Variants in GLMP observed in about 807,000 individuals in gnomAD.
GLMP encodes the protein kidney lysosomal membrane protein.
In GLMP, 36 loss-of-function variants were observed where a neutral mutation model predicts 39.2. That is an observed-to-expected ratio of 0.92 (90% CI 0.70 to 1.21). The LOEUF (loss-of-function observed/expected upper bound fraction) is 1.21, where lower values mean the gene tolerates loss of function less well. Ranked by LOEUF, GLMP falls within the 50% of genes most tolerant of loss-of-function variation. The pLI is 0.00. For synonymous variants in GLMP, 220 were observed against 218.9 expected (o/e 1.01, Z -0.04); for missense variants, 454 against 505.6 (o/e 0.90, Z 0.98).
Position 156,294,432 on chromosome 1 carries a change from G to A in GLMP, c.512C>T (p.Ala171Val). ...TDSLDPATLS[A>V]TFQGHPMNDP... ...GTTCATGGGGTGGCCTTGAAATGTG[G>A]CACTCAGGGTGGCAGGATCCAATGA... Residue 171 changes from alanine to valine, a missense_variant, in exon 3 of 6, where the codon GCC becomes GTC. Coordinates refer to ENST00000362007, the MANE Select transcript of GLMP (RefSeq NM_144580.3). 3.1e-6 allele frequency: 5 copies of A among 1,614,182 alleles called. No individual in the cohort carries two copies. The South Asian group carries it at 5.5e-5, about 18-fold the overall frequency.
At position 156,292,738 on chromosome 1, in the gene GLMP, A is replaced by G. The variant is rs1393951419; in HGVS notation, c.*306T>C. 8.1e-6 allele frequency: 3 copies of G among 372,654 alleles called. No homozygotes were observed. The highest frequency in any genetic ancestry group is 1.4e-5 in the Non-Finnish European group (3 of 208,816). 23.1% of individuals were successfully genotyped at this position (372,654 alleles called of 1,614,324 possible). On this transcript the variant is annotated 3_prime_UTR_variant, in exon 6 of 6. Transcript: ENST00000362007. ...TTCTTGCCTTCCAGGGCAGCCAACC[A>G]GTCAGAATGCCTCTCATTTAGGCCT... is the stretch of plus-strand genomic sequence containing the variant.
chr1:156,293,484 G>A lies in GLMP; in HGVS notation c.891C>T (p.Ala297=), dbSNP rs763306113. The A allele has an allele frequency of 6.2e-7, 1 of 1,614,076 alleles. No homozygotes were observed. Among genetic ancestry groups the A allele is most frequent in the Non-Finnish European group, 8.5e-7 (1 of 1,180,038 alleles). The change falls in exon 5 of 6, where the codon GCC becomes GCT. Residue 297 remains alanine (A), a synonymous_variant. Coordinates refer to ENST00000362007, the MANE Select transcript of GLMP (RefSeq NM_144580.3). The part of the protein sequence containing the change: ...YSQKPGGRES[A]LPCQASPLHP... ...GAAGAGGGGAAGCTTGGCAGGGCAGGGCTGATTCTCGGCCCCCCGGCTTCT... is the reference window on the plus strand; with the variant it reads ...GAAGAGGGGAAGCTTGGCAGGGCAGAGCTGATTCTCGGCCCCCCGGCTTCT...
Position 156,292,974 on chromosome 1 carries a change from C to G in GLMP, c.*70G>C, listed in dbSNP as rs1431994393. On this transcript the variant is annotated 3_prime_UTR_variant, in exon 6 of 6. Coordinates refer to ENST00000362007, the MANE Select transcript of GLMP (RefSeq NM_144580.3). ...TGAAGGGGCCGGCTGGAACTTGATG[C>G]TCCAACCTCCAGAGTTTCGAGGCAC... 1 of 1,546,312 alleles carries G rather than the reference C, an allele frequency of 6.5e-7. No homozygotes were observed. The highest frequency in any genetic ancestry group is 1.4e-5 in the African/African-American group (1 of 72,976).
At chr1:156,295,305 G>C in intron 1 of GLMP, 1 of 1,351,534 alleles carries the variant, frequency 7.4e-7, no homozygotes, top group Non-Finnish European at 9.5e-7. Context: ...GCCTGGACCT[G>C]GGTCACCCAG....
intron 4 of GLMP, 46 bp from the exon 5 acceptor site, chr1:156,293,622 G>A: frequency 6.2e-7 from 1 of 1,610,784 alleles, no homozygotes. Context: ...ACCAACCTGT[G>A]CCCGACCCTC....
At chr1:156,295,042 G>T (rs999927695) in intron 1 of GLMP, 26 bp from the exon 2 acceptor site, 3 of 1,494,264 alleles carry the variant, frequency 2.0e-6, no homozygotes, top group African/African-American at 1.4e-5. Context: ...GTGGAGGGTT[G>T]AGGGAACAGG....
intron 4 of GLMP, 179 bp downstream of exon 4, chr1:156,293,839 G>T: frequency 8.4e-7 from 1 of 1,193,668 alleles, no homozygotes; most frequent in Admixed American, 2.0e-5. Flanking sequence ...AAGTCATATT[G>T]CACTTTCTGT....
At chr1:156,295,175 G>A in intron 1 of GLMP, 159 bp from the exon 2 acceptor site, 1 of 978,058 alleles carries the variant, frequency 1.0e-6, no homozygotes. Context: ...GGGAACCCTG[G>A]GGTAAGGGGC....
chr1:156,293,727 T>C, intron 4 of GLMP, 151 bp from the exon 5 acceptor site: 1 of 1,549,434 alleles, frequency 6.5e-7, no homozygotes, highest in Non-Finnish European at 8.7e-7. Context: ...AAATGGGGAG[T>C]TCGACTGGGT....
Position 156,294,465 on chromosome 1 carries a change from A to C in GLMP, c.479T>G (p.Ile160Ser). ...YSLADFSWNNITDSLDPATLS... is the reference protein window; with the variant it reads ...YSLADFSWNNSTDSLDPATLS... ...GGTGGCAGGATCCAATGAATCAGTG[A>C]TGTTGTTCCAAGAGAAATCGGCCAA... Residue 160 changes from isoleucine to serine, a missense_variant, in exon 3 of 6, where the codon ATC (isoleucine) becomes AGC (serine). Physicochemically the swap from Ile to Ser is moderately radical, Grantham distance 142 (BLOSUM62 -2). Transcript: ENST00000362007. 6.2e-7 allele frequency: 1 copy of C among 1,614,082 alleles called. No individual in the cohort carries two copies.
At chr1:156,295,241 C>T in intron 1 of GLMP, 1 of 1,255,310 alleles carries the variant, frequency 8.0e-7, no homozygotes, top group Non-Finnish European at 1.0e-6. Flanking sequence ...ACTCCCCTGA[C>T]CCTGGTGGGC....
chr1:156,294,206 C>G lies in GLMP; in HGVS notation c.610G>C (p.Ala204Pro). The G allele has an allele frequency of 6.2e-7, 1 of 1,613,968 alleles. No homozygotes were observed. The highest frequency in any genetic ancestry group is 8.5e-7 in the Non-Finnish European group (1 of 1,179,862). Residue 204 changes from alanine to proline, a missense_variant, in exon 4 of 6, where the codon GCC (alanine) becomes CCC (proline). Physicochemically the swap from Ala to Pro is conservative, Grantham distance 27. Coordinates refer to ENST00000362007, the MANE Select transcript of GLMP (RefSeq NM_144580.3). ...VQAFSRSSRP[A>P]QPPRLLHTAD... ...GTGTGCAGGAGGCGAGGGGGTTGGG[C>G]TGGTCGGCTGGACCTGGAAAAGGCC...
intron 1 of GLMP, 97 bp downstream of exon 1, chr1:156,295,429 C>G: frequency 7.1e-7 from 1 of 1,412,782 alleles, no homozygotes; most frequent in Non-Finnish European, 9.2e-7. Context: ...CTCTTGGCAG[C>G]CACCCTCCAC....
At chr1:156,293,280 T>G in intron 5 of GLMP, 40 bp downstream of exon 5, 1 of 1,612,930 alleles carries the variant, frequency 6.2e-7, no homozygotes, top group Non-Finnish European at 8.5e-7. Context: ...CTTTGTCCAC[T>G]TCAACTCCCC....
At position 156,292,936 on chromosome 1, in the gene GLMP, C is replaced by T. The variant is rs1663402138; in HGVS notation, c.*108G>A. 5.6e-6 allele frequency: 8 copies of T among 1,422,938 alleles called. No individual in the cohort carries two copies. The highest frequency in any genetic ancestry group is 7.6e-6 in the Non-Finnish European group (8 of 1,051,066). The allele number at this position is 1,422,938 out of a possible 1,614,324, so 88.1% of individuals were successfully genotyped here. A position where few individuals can be genotyped will look rare whatever the true frequency, so the allele number is the denominator to read the frequency against. On this transcript the variant is annotated 3_prime_UTR_variant, in exon 6 of 6. Coordinates refer to ENST00000362007, the MANE Select transcript of GLMP (RefSeq NM_144580.3). ...TGGCCTCTGAGGTTCCACAGAAAAG[C>T]AAGATGGGGGAGTGAAGGGGCCGGC...
rs750287138 is a variant in GLMP at position 156,295,635 on chromosome 1, G to A, written c.11C>T (p.Ser4Phe). The change falls in exon 1 of 6, where the codon TCT becomes TTT. Residue 4 changes from serine to phenylalanine, a missense_variant. Coordinates refer to ENST00000362007, the MANE Select transcript of GLMP (RefSeq NM_144580.3). MRG[S>F]VECTWGWGHC... The stretch of plus-strand genomic sequence containing the variant: ...CCCCCAACCCCAGGTGCACTCCACA[G>A]AGCCGCGCATACGGCCGCAATTCAG... 23 of 1,553,456 alleles carry A rather than the reference G, an allele frequency of 1.5e-5. No homozygotes were observed. The highest frequency in any genetic ancestry group is 1.8e-5 in the Non-Finnish European group (21 of 1,148,026).
intron 4 of GLMP, chr1:156,293,777 A>C: frequency 6.8e-7 from 1 of 1,477,350 alleles, no homozygotes; most frequent in Admixed American, 2.0e-5. Flanking sequence ...GTCTGGACTC[A>C]GCCCTCCTCT....
chr1:156,294,923 A>G lies in GLMP; in HGVS notation c.214T>C (p.Trp72Arg), dbSNP rs748931370. The G allele has an allele frequency of 1.9e-6, 3 of 1,612,720 alleles. No individual in the cohort carries two copies. Among genetic ancestry groups the G allele is most frequent in the Non-Finnish European group, 2.5e-6 (3 of 1,179,424 alleles). ...ACTGCCAGAGGCCCCAGGCTGCTCC[A>G]CACATAGTGCAGTGTGGAATTGGTG... ...VGTNSTLHYV[W>R]SSLGPLAVVM... Residue 72 changes from tryptophan (W) to arginine (R), a missense_variant, in exon 2 of 6, where the codon TGG becomes CGG. Physicochemically the swap from Trp to Arg is moderately radical, Grantham distance 101. Coordinates refer to ENST00000362007, the MANE Select transcript of GLMP (RefSeq NM_144580.3).
chr1:156,293,868 GA>G (rs1663475462), intron 4 of GLMP, 149 bp downstream of exon 4: 1 of 1,206,258 alleles, frequency 8.3e-7, no homozygotes, highest in African/African-American at 1.5e-5. Context: ...ACTGAGGGCA[GA>G]GACTGGGTCA....
Sources: allele counts gnomAD v4.1 joint callset, GRCh38; gene constraint gnomAD v4.1.1; transcripts MANE v1.5; gene names NCBI Gene and HGNC (gene_info 2026-07-23, HGNC 2026-07-21).